The following FAF1 variants were observed in gnomAD, a reference collection of about 807,000 sequenced individuals.
FAF1 encodes the protein Fas associated factor 1, also known as FAS-associated factor 1.
FAF1 carries 25 observed loss-of-function variants against 92.5 expected under a neutral mutation model. That is an observed-to-expected ratio of 0.27 (90% CI 0.20 to 0.38). FAF1 has a LOEUF of 0.38. FAF1 is among the 10% of genes least tolerant of loss of function. FAF1 has a pLI of 1.00. For missense variants in FAF1, 636 were observed against 793.3 expected, an observed-to-expected ratio of 0.80 and a Z score of 2.38; for synonymous variants, 234 against 273.2, an observed-to-expected ratio of 0.86 and a Z score of 1.42.
chr1:50,587,320 A>G (rs979174449), intron 9 of FAF1, among the ~76,000 whole-genome samples: 2 of 152,220 alleles, frequency 1.3e-5, no homozygotes, highest in African/African-American at 4.8e-5. Context: ...ACAAAATCCT[A>G]TAACCACAAC....
chr1:50,557,683 G>T lies in FAF1; in HGVS notation c.1268+9394C>A, dbSNP rs975359195. 3.3e-4 allele frequency among the ~76,000 whole-genome samples: 50 copies of T among 152,048 alleles called. 1 individual carries two copies. The highest frequency in any genetic ancestry group is 7.4e-5 in the Non-Finnish European group (5 of 68,024). ...TGTTTCTTTTATAATTTCTCTGACT[G>T]TTTTACTATCAGTGTTTATAGAAGA... On this transcript the variant is annotated intron_variant, in intron 13 of 18. Transcript: ENST00000396153.
chr1:50,873,694 A>G (rs1468082205), intron 1 of FAF1, among the ~76,000 whole-genome samples: 7 of 152,178 alleles, frequency 4.6e-5, no homozygotes, highest in South Asian at 2.1e-4. Flanking sequence ...CTTAATTTGC[A>G]TGTAATTAAA....
At chr1:50,552,976 C>G (rs1243448343) in intron 13 of FAF1, among the ~76,000 whole-genome samples, 1 of 152,182 alleles carries the variant, frequency 6.6e-6, no homozygotes, top group African/African-American at 2.4e-5. Flanking sequence ...CTGTGTTCAA[C>G]TGCAAGGGTA....
intron 4 of FAF1, among the ~76,000 whole-genome samples, chr1:50,771,025 G>GT (rs1458679472): frequency 2.0e-5 from 3 of 152,198 alleles, no homozygotes; most frequent in Non-Finnish European, 4.4e-5. Flanking sequence ...TCAATAAATG[G>GT]TGTTGGGGTA....
chr1:50,652,679 A>C (rs571460511), intron 8 of FAF1, among the ~76,000 whole-genome samples: 7 of 152,376 alleles, frequency 4.6e-5, no homozygotes, highest in African/African-American at 1.7e-4. Flanking sequence ...ACCTAGATTC[A>C]ACAATGATTG....
At chr1:50,474,090 G>A (rs17106230) in intron 18 of FAF1, among the ~76,000 whole-genome samples, 7,639 of 152,160 alleles carry the variant, frequency 0.05, 472 homozygotes, top group African/African-American at 0.14. Flanking sequence ...AACACTTCAC[G>A]ACACAAGATA....
intron 1 of FAF1, among the ~76,000 whole-genome samples, chr1:50,863,750 A>G (rs1224196073): frequency 6.6e-6 from 1 of 151,766 alleles, no homozygotes; most frequent in Non-Finnish European, 1.5e-5. Flanking sequence ...CTCTTTTTCT[A>G]TTGATTGGAA....
At chr1:50,921,832 A>C (rs1644965656) in intron 1 of FAF1, among the ~76,000 whole-genome samples, 1 of 152,172 alleles carries the variant, frequency 6.6e-6, no homozygotes, top group African/African-American at 2.4e-5. Flanking sequence ...GCAGACACAC[A>C]AATGAGAAAG....
intron 15 of FAF1, among the ~76,000 whole-genome samples, chr1:50,521,752 A>T (rs1475593965): frequency 6.6e-6 from 1 of 152,206 alleles, no homozygotes; most frequent in East Asian, 1.9e-4. Flanking sequence ...AAAAGAATGC[A>T]TTACTGAGAT....
At chr1:50,736,812 A>G (rs1022878684) in intron 6 of FAF1, among the ~76,000 whole-genome samples, 1 of 152,174 alleles carries the variant, frequency 6.6e-6, no homozygotes, top group African/African-American at 2.4e-5. Context: ...TGAGTCACAA[A>G]ATAAAACTCA....
At chr1:50,875,539 C>T (rs892038485) in intron 1 of FAF1, among the ~76,000 whole-genome samples, 1 of 151,888 alleles carries the variant, frequency 6.6e-6, no homozygotes, top group Admixed American at 6.6e-5. Context: ...TGCAACCTCC[C>T]TCTCCCAGGT....
At chr1:50,747,124 A>C (rs72902706) in intron 4 of FAF1, among the ~76,000 whole-genome samples, 10,084 of 152,226 alleles carry the variant, frequency 0.066, 412 homozygotes, top group East Asian at 0.094. Flanking sequence ...TTGGACCCCC[A>C]CACACACAGT....
Position 50,844,871 on chromosome 1 carries a change from T to C in FAF1, c.114+13058A>G, listed in dbSNP as rs193053507. Among the ~76,000 whole-genome samples, 4 of 152,144 alleles carry C rather than the reference T, an allele frequency of 2.6e-5. No homozygotes were observed. In the East Asian group the frequency reaches 7.7e-4, roughly 29 times the overall value. On this transcript the variant is annotated intron_variant, in intron 2 of 18. Transcript: ENST00000396153. ...GAGGGTGCCCTGAGCAAGATAAATG[T>C]TTGAAAGGCTGTGTGGAAGAAAAGA...
chr1:50,569,916 A>G (rs1265074391), intron 12 of FAF1, among the ~76,000 whole-genome samples: 1 of 152,086 alleles, frequency 6.6e-6, no homozygotes, highest in Non-Finnish European at 1.5e-5. Context: ...AATGCACAAT[A>G]TCAAGCAATA....
At chr1:50,805,710 T>C (rs887740506) in intron 2 of FAF1, among the ~76,000 whole-genome samples, 1 of 152,112 alleles carries the variant, frequency 6.6e-6, no homozygotes, top group African/African-American at 2.4e-5. Flanking sequence ...TCCTTTTTTG[T>C]AAACAAAAGA....
chr1:50,908,355 T>C (rs1644856482), intron 1 of FAF1, among the ~76,000 whole-genome samples: 1 of 152,236 alleles, frequency 6.6e-6, no homozygotes. Flanking sequence ...TCTGCTGACC[T>C]GGGGTGGAGG....
chr1:50,644,646 C>A lies in FAF1; in HGVS notation c.744+10796G>T, dbSNP rs79242933. 2.6e-5 allele frequency among the ~76,000 whole-genome samples: 4 copies of A among 152,326 alleles called. No homozygotes were observed. In the East Asian group the frequency reaches 7.7e-4, roughly 29 times the overall value. ...TTCCTGCTATGGGATCCAGAAGTTG[C>A]CTCCAGGCAGAATTTAAGACTCTCA... On this transcript the variant is annotated intron_variant, in intron 8 of 18. Transcript: ENST00000396153.
At chr1:50,864,476 T>C (rs1470279111) in intron 1 of FAF1, among the ~76,000 whole-genome samples, 1 of 152,074 alleles carries the variant, frequency 6.6e-6, no homozygotes, top group East Asian at 1.9e-4. Flanking sequence ...AGCATGGTAC[T>C]GGTACCAAAA....
At chr1:50,661,189 T>C (rs937844374) in intron 7 of FAF1, among the ~76,000 whole-genome samples, 4 of 152,194 alleles carry the variant, frequency 2.6e-5, no homozygotes, top group Non-Finnish European at 5.9e-5. Context: ...AAAACACTAA[T>C]ATTTTCCCCT....
Sources: gnomAD v4.1 joint callset for allele counts (sites outside exome capture counted in the v4.1 genomes callset) on GRCh38, gnomAD v4.1.1 for gene constraint, MANE v1.5 for transcripts, NCBI Gene and HGNC (gene_info 2026-07-23, HGNC 2026-07-21) for gene names.